KCNMA1: variants seen among roughly 807,000 people sequenced by gnomAD.
The protein encoded by KCNMA1 is Calcium-activated potassium channel subunit alpha-1.
Under a neutral mutation model 140.0 loss-of-function variants are expected in KCNMA1, and 29 were observed. The observed-to-expected ratio is 0.21, with a 90% confidence interval of 0.15 to 0.28. The LOEUF (loss-of-function observed/expected upper bound fraction) is 0.28, where lower values mean the gene tolerates loss of function less well. Ranked by LOEUF, KCNMA1 falls within the 10% of genes least tolerant of loss-of-function variation. The pLI, the probability that KCNMA1 is intolerant of heterozygous loss-of-function variation, is 1.00. For synonymous variants in KCNMA1, 612 were observed against 611.9 expected (o/e 1.00, Z 0.00); for missense variants, 880 against 1,602.2 (o/e 0.55, Z 7.70).
chr10:77,013,412 T>C (rs1294899688), intron 17 of KCNMA1, among the ~76,000 whole-genome samples: 2 of 151,948 alleles, frequency 1.3e-5, no homozygotes, highest in Non-Finnish European at 2.9e-5. Flanking sequence ...CCAGCTGTCA[T>C]CTATGTCTCA....
intron 5 of KCNMA1, among the ~76,000 whole-genome samples, chr10:77,122,326 G>T (rs1233983452): frequency 2.0e-5 from 3 of 152,164 alleles, no homozygotes; most frequent in South Asian, 4.1e-4. Context: ...ATGAACAGAA[G>T]ACTTTTTTTG....
intron 2 of KCNMA1, among the ~76,000 whole-genome samples, chr10:77,399,296 A>T (rs2154458378): frequency 6.6e-6 from 1 of 152,292 alleles, no homozygotes; most frequent in African/African-American, 2.4e-5. Flanking sequence ...TCCTGACGAC[A>T]TTGACTGCTA....
chr10:77,365,169 A>T (rs1221735775), intron 2 of KCNMA1, among the ~76,000 whole-genome samples: 1 of 152,194 alleles, frequency 6.6e-6, no homozygotes, highest in Non-Finnish European at 1.5e-5. Context: ...CCAGTGCTCA[A>T]CTGAAAGCAG....
chr10:77,449,748 T>C (rs1450729160), intron 1 of KCNMA1, among the ~76,000 whole-genome samples: 1 of 151,432 alleles, frequency 6.6e-6, no homozygotes, highest in Non-Finnish European at 1.5e-5. Context: ...GTTCACACCA[T>C]TCTCCTGCCT....
chr10:77,570,610 A>G (rs1603637146), intron 1 of KCNMA1, among the ~76,000 whole-genome samples: 1 of 49,394 alleles, frequency 2.0e-5, no homozygotes. Context: ...GGGGGGAGGG[A>G]TAGCATTGGG....
rs548982090 is a variant in KCNMA1, at chr10:77,149,546, G to A, written c.809-28498C>T. ...AGGAAATGAATGCAAGATGGGCTTA[G>A]CTCATAAACCCTTTGTTTTGTTAGA... On this transcript the variant is annotated intron_variant, in intron 5 of 27. Transcript: ENST00000286628. 1.1e-3 allele frequency among the ~76,000 whole-genome samples: 171 copies of A among 152,284 alleles called. 1 individual carries two copies. The highest frequency in any genetic ancestry group is 2.6e-3 in the Admixed American group (40 of 15,290).
At chr10:77,236,836 G>A (rs1565409934) in intron 3 of KCNMA1, among the ~76,000 whole-genome samples, 1 of 152,190 alleles carries the variant, frequency 6.6e-6, no homozygotes, top group Non-Finnish European at 1.5e-5. Context: ...TTAGAGACAA[G>A]GTCCCACTCT....
At chr10:77,317,034 C>A (rs963704273) in intron 2 of KCNMA1, among the ~76,000 whole-genome samples, 1 of 152,134 alleles carries the variant, frequency 6.6e-6, no homozygotes, top group Admixed American at 6.5e-5. Context: ...ACTGAAGGTG[C>A]CTTGGCGCTA....
At chr10:77,467,044 A>G (rs2098036987) in intron 1 of KCNMA1, among the ~76,000 whole-genome samples, 1 of 152,232 alleles carries the variant, frequency 6.6e-6, no homozygotes, top group Non-Finnish European at 1.5e-5. Flanking sequence ...AGAGGAACGC[A>G]GAGCCTAGCC....
At chr10:77,576,740 G>C (rs546624025) in intron 1 of KCNMA1, among the ~76,000 whole-genome samples, 159 of 152,198 alleles carry the variant, frequency 1.0e-3, no homozygotes, top group Non-Finnish European at 2.0e-3. Context: ...GCAGGCCAGG[G>C]GTCTCAGGAC....
chr10:77,064,191 G>A (rs563024363), intron 14 of KCNMA1: 1 of 887,590 alleles, frequency 1.1e-6, no homozygotes, highest in South Asian at 5.2e-5. Context: ...ACATTTTGGG[G>A]TTTCTAAGTT....
At chr10:77,032,214 A>G (rs1015388792) in intron 15 of KCNMA1, among the ~76,000 whole-genome samples, 3 of 152,172 alleles carry the variant, frequency 2.0e-5, no homozygotes, top group African/African-American at 7.2e-5. Context: ...CCAAGAATAT[A>G]TATACTTTCA....
intron 1 of KCNMA1, among the ~76,000 whole-genome samples, chr10:77,554,574 G>T (rs1458954915): frequency 8.7e-5 from 12 of 137,956 alleles, no homozygotes; most frequent in Non-Finnish European, 9.1e-5. Flanking sequence ...TCCAGTCTGG[G>T]TGACAAGAGT....
intron 18 of KCNMA1, among the ~76,000 whole-genome samples, chr10:77,011,510 C>A (rs1043759870): frequency 2.6e-5 from 4 of 152,192 alleles, no homozygotes; most frequent in African/African-American, 7.2e-5. Context: ...TTAAAACTAG[C>A]AGGAATTCCA....
intron 25 of KCNMA1, among the ~76,000 whole-genome samples, chr10:76,895,344 C>T (rs940224773): frequency 4.6e-5 from 7 of 152,136 alleles, no homozygotes; most frequent in African/African-American, 1.4e-4. Context: ...TGCAGCTCGT[C>T]CTGCTACACA....
chr10:77,039,454 G>A, intron 15 of KCNMA1, 74 bp downstream of exon 15: 1 of 868,280 alleles, frequency 1.2e-6, no homozygotes, highest in Non-Finnish European at 2.0e-6. Context: ...CCCAGCAGAG[G>A]TGGGAGGCTT....
chr10:77,158,581 C>G (rs540844931), intron 5 of KCNMA1, among the ~76,000 whole-genome samples: 2 of 152,168 alleles, frequency 1.3e-5, no homozygotes, highest in African/African-American at 4.8e-5. Flanking sequence ...CTCCTCTCCC[C>G]TCTCTAGCTC....
chr10:76,978,476 A>AG (rs1487443182), intron 19 of KCNMA1: 1 of 152,220 alleles, frequency 6.6e-6, no homozygotes, highest in East Asian at 1.9e-4. Flanking sequence ...GAGCTTACAA[A>AG]GCAATAGTGC....
At chr10:76,947,409 AAC>A (rs949659901) in intron 22 of KCNMA1, among the ~76,000 whole-genome samples, 1 of 151,892 alleles carries the variant, frequency 6.6e-6, no homozygotes, top group Admixed American at 6.6e-5. Context: ...AAACACACAA[AAC>A]ACACACACAA....
Sources: allele counts gnomAD v4.1 joint callset (sites outside exome capture counted in the v4.1 genomes callset), GRCh38; gene constraint gnomAD v4.1.1; transcripts MANE v1.5; gene names NCBI Gene and HGNC (gene_info 2026-07-23, HGNC 2026-07-21).